STOX2: variants seen among roughly 807,000 people sequenced by gnomAD.
The protein encoded by STOX2 is storkhead-box protein 2.
Under a neutral mutation model 60.9 loss-of-function variants are expected in STOX2, and 28 were observed. The ratio of observed to expected loss-of-function variants is 0.46; its 90% confidence interval spans 0.34 to 0.63. The LOEUF (loss-of-function observed/expected upper bound fraction) is 0.63. Among genes scored for constraint, STOX2 ranks in the 30% least tolerant of loss-of-function variants. The probability of loss-of-function intolerance (pLI) is 0.01; values close to 1 mark genes in which losing one functional copy is unlikely to be tolerated. For synonymous variants in STOX2, 472 were observed against 463.9 expected (o/e 1.02, Z -0.22); for missense variants, 1,024 against 1,187.7 (o/e 0.86, Z 2.03).
chr4:183,947,931 T>C (rs961529304), intron 1 of STOX2, among the ~76,000 whole-genome samples: 1 of 152,038 alleles, frequency 6.6e-6, no homozygotes, highest in Admixed American at 6.6e-5. Flanking sequence ...TAAGAGTAAG[T>C]AGAGGCTGGG....
chr4:183,823,748 C>T (rs12639893), intron 1 of STOX2, among the ~76,000 whole-genome samples: 1 of 152,228 alleles, frequency 6.6e-6, no homozygotes, highest in South Asian at 2.1e-4. Flanking sequence ...GAAAACTTAC[C>T]TGATGAGCAG....
chr4:183,931,474 A>C (rs6552722), intron 1 of STOX2, among the ~76,000 whole-genome samples: 48,520 of 151,956 alleles, frequency 0.32, 11,864 homozygotes, highest in African/African-American at 0.66. Context: ...TCCTGGTATT[A>C]TCTTCTGTTG....
At position 183,923,598 on chromosome 4, in the gene STOX2, C is replaced by T. The variant is rs898944901; in HGVS notation, c.166+16642C>T. On this transcript the variant is annotated intron_variant, in intron 1 of 3. Transcript: ENST00000308497. Reference sequence around the variant, plus strand: ...TACTGTTTTCTTATTTTTTTCCAAGCGAGGGAAATATTTAAACACAGGCAA... The same window carrying T: ...TACTGTTTTCTTATTTTTTTCCAAGTGAGGGAAATATTTAAACACAGGCAA... 5.3e-5 allele frequency among the ~76,000 whole-genome samples: 8 copies of T among 152,062 alleles called. No individual in the cohort carries two copies. The East Asian group carries it at 9.6e-4, about 18-fold the overall frequency.
intron 1 of STOX2, among the ~76,000 whole-genome samples, chr4:183,968,954 T>A (rs1743660881): frequency 6.6e-6 from 1 of 152,250 alleles, no homozygotes; most frequent in Non-Finnish European, 1.5e-5. Flanking sequence ...GGCGAGAATA[T>A]TTTAGATTCT....
At chr4:183,944,973 T>C (rs1243408699) in intron 1 of STOX2, among the ~76,000 whole-genome samples, 1 of 152,258 alleles carries the variant, frequency 6.6e-6, no homozygotes, top group African/African-American at 2.4e-5. Flanking sequence ...TTGAAGTCTT[T>C]TATTATGCAT....
chr4:183,866,912 C>A (rs1286319108), intron 1 of STOX2, among the ~76,000 whole-genome samples: 1 of 152,192 alleles, frequency 6.6e-6, no homozygotes, highest in Non-Finnish European at 1.5e-5. Flanking sequence ...ACAAAAAGAA[C>A]AATGTATTTT....
chr4:183,895,100 G>A (rs1402553485), intron 1 of STOX2, among the ~76,000 whole-genome samples: 3 of 152,160 alleles, frequency 2.0e-5, no homozygotes, highest in African/African-American at 7.2e-5. Flanking sequence ...TCGCGGACTA[G>A]GATGTCAAGA....
intron 1 of STOX2, among the ~76,000 whole-genome samples, chr4:183,832,475 T>A (rs753081794): frequency 1.4e-5 from 2 of 146,528 alleles, no homozygotes; most frequent in Non-Finnish European, 1.5e-5. Context: ...CTTAGTAGCC[T>A]ATAACCGACT....
At chr4:183,867,533 A>G (rs1168068855) in intron 1 of STOX2, among the ~76,000 whole-genome samples, 2 of 152,196 alleles carry the variant, frequency 1.3e-5, no homozygotes, top group African/African-American at 4.8e-5. Context: ...AGCATATTAA[A>G]GTGTCATAGT....
At chr4:183,834,478 G>T (rs1208479430) in intron 1 of STOX2, among the ~76,000 whole-genome samples, 1 of 151,990 alleles carries the variant, frequency 6.6e-6, no homozygotes, top group Non-Finnish European at 1.5e-5. Context: ...GAGTGGAGGT[G>T]GGAGAGGTGC....
At chr4:183,839,882 A>G (rs1414135612) in intron 1 of STOX2, among the ~76,000 whole-genome samples, 3 of 152,222 alleles carry the variant, frequency 2.0e-5, no homozygotes, top group Non-Finnish European at 4.4e-5. Context: ...TTTCGGATTT[A>G]CAAATATTGT....
chr4:183,969,019 ATTGT>A (rs1214197123), intron 1 of STOX2, among the ~76,000 whole-genome samples: 1 of 152,222 alleles, frequency 6.6e-6, no homozygotes, highest in African/African-American at 2.4e-5. Context: ...TTCTTCATCA[ATTGT>A]TTGTTCTTAA....
intron 1 of STOX2, among the ~76,000 whole-genome samples, chr4:183,867,741 C>T (rs541900616): frequency 8.9e-4 from 136 of 152,274 alleles, no homozygotes; most frequent in Non-Finnish European, 1.7e-3. Flanking sequence ...TAGTATTAAT[C>T]GTGCTCCCTT....
intron 1 of STOX2, among the ~76,000 whole-genome samples, chr4:183,944,781 C>G (rs1317484006): frequency 6.6e-6 from 1 of 152,138 alleles, no homozygotes; most frequent in East Asian, 1.9e-4. Context: ...CCTTTGAGCA[C>G]CTCAATATGA....
chr4:183,967,354 G>A (rs139743025), intron 1 of STOX2, among the ~76,000 whole-genome samples: 1 of 147,124 alleles, frequency 6.8e-6, no homozygotes, highest in Non-Finnish European at 1.5e-5. Context: ...CAACAAGAGC[G>A]AAACTCCGTC....
chr4:183,928,888 C>T (rs1429640306), intron 1 of STOX2, among the ~76,000 whole-genome samples: 2 of 152,046 alleles, frequency 1.3e-5, no homozygotes, highest in East Asian at 3.9e-4. Flanking sequence ...CAACCCACCA[C>T]AGCTGCTGGT....
At chr4:183,981,780 T>C (rs1732665616) in intron 1 of STOX2, among the ~76,000 whole-genome samples, 2 of 152,176 alleles carry the variant, frequency 1.3e-5, no homozygotes, top group Admixed American at 6.5e-5. Context: ...TTATCCAAAG[T>C]GCACCTGCGG....
chr4:183,954,727 C>T (rs1265319831), intron 1 of STOX2, among the ~76,000 whole-genome samples: 1 of 152,132 alleles, frequency 6.6e-6, no homozygotes, highest in Non-Finnish European at 1.5e-5. Flanking sequence ...CGCTTCCCCA[C>T]CAATATTTAT....
chr4:183,804,403 A>C (rs1001069960), intron 1 of STOX2, among the ~76,000 whole-genome samples: 1 of 152,204 alleles, frequency 6.6e-6, no homozygotes, highest in Non-Finnish European at 1.5e-5. Flanking sequence ...TCAGCTTGCT[A>C]TGCTGGAGAA....
Sources: allele counts gnomAD v4.1 joint callset (sites outside exome capture counted in the v4.1 genomes callset), GRCh38; gene constraint gnomAD v4.1.1; transcripts MANE v1.5; gene names NCBI Gene and HGNC (gene_info 2026-07-23, HGNC 2026-07-21).